The following NCAPG2 variants were observed in gnomAD, a reference collection of about 807,000 sequenced individuals.
NCAPG2 encodes the protein condensin-2 complex subunit G2.
A neutral mutation model predicts 141.1 loss-of-function variants in NCAPG2; 53 were observed. The observed-to-expected ratio is 0.38, with a 90% CI of 0.30 to 0.47. The LOEUF is 0.47. Among genes scored for constraint, NCAPG2 ranks in the 20% least tolerant of loss-of-function variants. The probability of loss-of-function intolerance (pLI) is 0.99; values close to 1 mark genes in which losing one functional copy is unlikely to be tolerated. For missense variants in NCAPG2, 1,087 were observed against 1,389.0 expected (o/e 0.78, Z 3.46); for synonymous variants, 499 against 490.7 (o/e 1.02, Z -0.22).
chr7:158,653,463 ATC>A (rs1831651456), intron 22 of NCAPG2, among the ~76,000 whole-genome samples: 1 of 152,116 alleles, frequency 6.6e-6, no homozygotes, highest in African/African-American at 2.4e-5. Context: ...TAAACTTTAG[ATC>A]TGTTAAACAA....
chr7:158,633,439 G>A lies in NCAPG2; in HGVS notation c.3381-1722C>T, dbSNP rs1236389693. ...TGGAAGCGCCTGGGCCACCCTCTGTGTGGTTATTTCTGCCTGTGTTGAACC... is the reference window on the plus strand; with the variant it reads ...TGGAAGCGCCTGGGCCACCCTCTGTATGGTTATTTCTGCCTGTGTTGAACC... On this transcript the variant is annotated intron_variant, in intron 27 of 27. Transcript: ENST00000356309. This position sits in a 1 kb window ranked among gnomAD's most constrained non-coding sequence, Gnocchi z 4.1. Among the ~76,000 whole-genome samples the A allele has an allele frequency of 6.6e-6, 1 of 152,228 alleles. No individual in the cohort carries two copies. Among genetic ancestry groups the A allele is most frequent in the Admixed American group, 6.5e-5 (1 of 15,292 alleles).
intron 27 of NCAPG2, among the ~76,000 whole-genome samples, chr7:158,632,183 C>T (rs1196448995): frequency 6.6e-6 from 1 of 152,176 alleles, no homozygotes; most frequent in Non-Finnish European, 1.5e-5. Context: ...TTTCCCACTC[C>T]CCTGCCCTAC....
intron 22 of NCAPG2, 132 bp from the exon 23 acceptor site, chr7:158,652,612 C>A: frequency 5.3e-6 from 4 of 751,474 alleles, no homozygotes; most frequent in Non-Finnish European, 8.3e-6. Context: ...TTTGGTGAGC[C>A]AATACCAAAA....
intron 22 of NCAPG2, among the ~76,000 whole-genome samples, chr7:158,654,166 C>G (rs1831724813): frequency 6.6e-6 from 1 of 152,166 alleles, no homozygotes; most frequent in African/African-American, 2.4e-5. Context: ...CTGTGCTAAC[C>G]CTTTCCCTGT....
At chr7:158,653,047 G>A (rs1831599787) in intron 22 of NCAPG2, among the ~76,000 whole-genome samples, 1 of 152,158 alleles carries the variant, frequency 6.6e-6, no homozygotes. Flanking sequence ...AGTATAAAAT[G>A]CTGTTTTCAC....
intron 27 of NCAPG2, chr7:158,639,946 G>T: frequency 1.6e-6 from 1 of 617,000 alleles, no homozygotes; most frequent in Non-Finnish European, 2.0e-6. Flanking sequence ...GTGTTAACAT[G>T]TATAATAAGA....
intron 27 of NCAPG2, among the ~76,000 whole-genome samples, chr7:158,632,841 C>T (rs962024464): frequency 2.0e-5 from 3 of 152,178 alleles, no homozygotes; most frequent in Non-Finnish European, 4.4e-5. Flanking sequence ...AATGCTTCAA[C>T]TTGTAATCAA....
Position 158,686,259 on chromosome 7 carries a change from AAT to A in NCAPG2, c.768-20_768-19del, listed in dbSNP as rs775315404. ...TCAAAGACCTATATAAAAAGATCAAAATAGTTTTAATGCAAATTTTAAGAATT... is the reference window on the plus strand; with the variant it reads ...TCAAAGACCTATATAAAAAGATCAAAAGTTTTAATGCAAATTTTAAGAATT... On this transcript the variant is annotated intron_variant, in intron 7 of 27. Transcript: ENST00000356309. 2 of 1,365,308 alleles carry A rather than the reference AAT, an allele frequency of 1.5e-6. No individual in the cohort carries two copies. The highest frequency in any genetic ancestry group is 2.0e-6 in the Non-Finnish European group (2 of 992,980). The allele number at this position is 1,365,308 out of a possible 1,614,324, so 84.6% of individuals were successfully genotyped here.
intron 22 of NCAPG2, among the ~76,000 whole-genome samples, chr7:158,654,130 C>G (rs560933718): frequency 2.0e-5 from 3 of 152,304 alleles, no homozygotes; most frequent in South Asian, 4.1e-4. Flanking sequence ...GGGCTGTCCT[C>G]TCACTCACTG....
intron 13 of NCAPG2, among the ~76,000 whole-genome samples, chr7:158,665,624 C>A (rs979522372): frequency 6.6e-6 from 1 of 152,152 alleles, no homozygotes; most frequent in Admixed American, 6.5e-5. Context: ...CAAAAACCCA[C>A]ACACAAAACT....
chr7:158,652,528 T>C (rs1459162671), intron 22 of NCAPG2, 48 bp from the exon 23 acceptor site: 1 of 1,372,936 alleles, frequency 7.3e-7, no homozygotes, highest in Admixed American at 2.1e-5. Context: ...CACAAGTTTG[T>C]TGAAATCATT....
intron 11 of NCAPG2, 143 bp from the exon 12 acceptor site, chr7:158,675,799 C>G: frequency 1.2e-6 from 1 of 841,854 alleles, no homozygotes. Flanking sequence ...GATTCCTAGA[C>G]CTGAGATTAC....
chr7:158,691,727 A>G (rs2129469086), intron 4 of NCAPG2, among the ~76,000 whole-genome samples: 1 of 152,338 alleles, frequency 6.6e-6, no homozygotes, highest in South Asian at 2.1e-4. Flanking sequence ...TAAAACTTGA[A>G]AAGTACCATC....
At chr7:158,649,205 C>A (rs1244292462) in intron 24 of NCAPG2, among the ~76,000 whole-genome samples, 1 of 152,052 alleles carries the variant, frequency 6.6e-6, no homozygotes, top group African/African-American at 2.4e-5. Context: ...CAAGAAAATA[C>A]ATGAAAAGAA....
intron 27 of NCAPG2, among the ~76,000 whole-genome samples, chr7:158,634,502 A>G (rs1003004525): frequency 3.3e-5 from 5 of 152,146 alleles, no homozygotes; most frequent in African/African-American, 1.2e-4. Flanking sequence ...TTGTCAAACT[A>G]TGGTTGGTTG....
chr7:158,645,617 G>T lies in NCAPG2; in HGVS notation c.3182C>A (p.Ser1061Ter). 6.2e-7 allele frequency: 1 copy of T among 1,613,708 alleles called. No individual in the cohort carries two copies. Among genetic ancestry groups the T allele is most frequent in the South Asian group, 1.1e-5 (1 of 91,042 alleles). The change falls in exon 26 of 28, where the codon TCA becomes TAA. Residue 1061 changes from serine to a stop codon, truncating the protein, a stop_gained and splice_region_variant. Transcript: ENST00000356309. LOFTEE classifies it high-confidence loss of function. ...IIIKSSNVVR[S>*]FLDELKACVA... ...ACATGCCTTTAATTCATCCAAAAAT[G>T]ACCTGCAAAAAAATCAACAAACATC...
rs1265270384 is a variant in NCAPG2, at chr7:158,655,552, A to G, written c.2389-97T>C. The G allele has an allele frequency of 3.9e-6, 4 of 1,028,714 alleles. No individual in the cohort carries two copies. In the African/African-American group the frequency reaches 4.8e-5, roughly 12 times the overall value. 63.7% of individuals were successfully genotyped at this position (1,028,714 alleles called of 1,614,324 possible). ...ATGGGAAGCACCTGATCCTCAGGCG[A>G]GCTGAAAAGACCCCCGCTCTGGTGA... On this transcript the variant is annotated intron_variant, in intron 19 of 27. Coordinates refer to ENST00000356309, the MANE Select transcript of NCAPG2 (RefSeq NM_017760.7).
At chr7:158,667,522 T>TTACCCACTACTGGGTTCCTCCGCCCG (rs1563539569) in intron 13 of NCAPG2, among the ~76,000 whole-genome samples, 1 of 16,946 alleles carries the variant, frequency 5.9e-5, no homozygotes, top group Non-Finnish European at 1.1e-4. Context: ...CCCTCCGCCC[T>TTACCCACTACTGGGTTCCTCCGCCCG]CCTTACCTAC....
At chr7:158,647,376 A>G (rs1458269398) in intron 24 of NCAPG2, among the ~76,000 whole-genome samples, 2 of 152,210 alleles carry the variant, frequency 1.3e-5, no homozygotes, top group Non-Finnish European at 2.9e-5. Context: ...ATGTTCCTAC[A>G]CATCACAGTG....
Sources: gnomAD v4.1 joint callset for allele counts (sites outside exome capture counted in the v4.1 genomes callset) on GRCh38, gnomAD v4.1.1 for gene constraint, Gnocchi (gnomAD v3.1) non-coding constraint, MANE v1.5 for transcripts, NCBI Gene and HGNC (gene_info 2026-07-23, HGNC 2026-07-21) for gene names.